The following CNTNAP2 variants were observed in gnomAD, a reference collection of about 807,000 sequenced individuals.
CNTNAP2 encodes the protein contactin-associated protein-like 2.
In CNTNAP2, 98 loss-of-function variants were observed where a neutral mutation model predicts 155.2. That is an observed-to-expected ratio of 0.63 (90% CI 0.54 to 0.75). The LOEUF is 0.75. Ranked by LOEUF, CNTNAP2 falls within the 30% of genes least tolerant of loss-of-function variation. The probability of loss-of-function intolerance (pLI) is 0.00; values close to 1 mark genes in which losing one functional copy is unlikely to be tolerated. For synonymous variants in CNTNAP2, 651 were observed against 631.2 expected, an observed-to-expected ratio of 1.03 and a Z score of -0.47; for missense variants, 1,727 against 1,688.1, an observed-to-expected ratio of 1.02 and a Z score of -0.40.
intron 21 of CNTNAP2, among the ~76,000 whole-genome samples, chr7:148,278,290 G>A (rs112435244): frequency 0.058 from 8,773 of 152,108 alleles, 400 homozygotes; most frequent in African/African-American, 0.12. Flanking sequence ...GAGTAGGCCC[G>A]GCTCGGTGGC....
chr7:146,394,812 T>C (rs980341266), intron 1 of CNTNAP2, among the ~76,000 whole-genome samples: 1 of 152,164 alleles, frequency 6.6e-6, no homozygotes, highest in Non-Finnish European at 1.5e-5. Flanking sequence ...TATTGCATAA[T>C]GGTGAAGTGT....
intron 13 of CNTNAP2, among the ~76,000 whole-genome samples, chr7:147,862,174 A>T (rs1799147728): frequency 1.3e-5 from 2 of 152,178 alleles, no homozygotes; most frequent in East Asian, 3.9e-4. Flanking sequence ...CCATCATCAA[A>T]AAAGATAATA....
At chr7:146,946,572 G>A (rs1234943883) in intron 3 of CNTNAP2, among the ~76,000 whole-genome samples, 3 of 152,080 alleles carry the variant, frequency 2.0e-5, no homozygotes, top group South Asian at 4.1e-4. Context: ...ATTTGAAATT[G>A]CAATAGATAA....
chr7:148,352,044 G>C lies in CNTNAP2; in HGVS notation c.3476-31605G>C, dbSNP rs141940743. On this transcript the variant is annotated intron_variant, in intron 21 of 23. Coordinates refer to ENST00000361727, the MANE Select transcript of CNTNAP2 (RefSeq NM_014141.6). Reference sequence around the variant, plus strand: ...GAGGCATAATATCCAGAATTTGTGCGTATCTTCTCCAAAGGAGATGGAATC... The same window carrying C: ...GAGGCATAATATCCAGAATTTGTGCCTATCTTCTCCAAAGGAGATGGAATC... Among the ~76,000 whole-genome samples the C allele has an allele frequency of 2.7e-3, 405 of 152,258 alleles. 1 individual carries two copies. Among genetic ancestry groups the C allele is most frequent in the African/African-American group, 9.2e-3 (381 of 41,554 alleles).
chr7:148,059,023 G>A (rs1160310214), intron 15 of CNTNAP2, among the ~76,000 whole-genome samples: 2 of 152,092 alleles, frequency 1.3e-5, no homozygotes, highest in Admixed American at 6.5e-5. Context: ...GCTCATGCCT[G>A]TAATCCCAGC....
chr7:146,271,183 A>G (rs1800076865), intron 1 of CNTNAP2, among the ~76,000 whole-genome samples: 1 of 152,078 alleles, frequency 6.6e-6, no homozygotes, highest in Admixed American at 6.6e-5. Context: ...GGATTTCTAA[A>G]AATCGTATTT....
At chr7:146,713,271 A>G (rs1801130337) in intron 1 of CNTNAP2, among the ~76,000 whole-genome samples, 1 of 152,170 alleles carries the variant, frequency 6.6e-6, no homozygotes, top group African/African-American at 2.4e-5. Flanking sequence ...GAGGGGAAGA[A>G]ATCTATATGG....
chr7:148,059,512 C>T (rs918887719), intron 15 of CNTNAP2, among the ~76,000 whole-genome samples: 2 of 149,980 alleles, frequency 1.3e-5, no homozygotes, highest in African/African-American at 2.5e-5. Flanking sequence ...CGCTTGAACC[C>T]GGGAGAGGGA....
intron 1 of CNTNAP2, among the ~76,000 whole-genome samples, chr7:146,301,010 A>G (rs1412397349): frequency 6.6e-6 from 1 of 152,202 alleles, no homozygotes. Context: ...CCTGAATTTT[A>G]CAAACATGCT....
intron 13 of CNTNAP2, among the ~76,000 whole-genome samples, chr7:147,662,857 AT>A (rs1795635783): frequency 6.6e-6 from 1 of 152,220 alleles, no homozygotes; most frequent in African/African-American, 2.4e-5. Context: ...GACAGACTAC[AT>A]TGATTTGAAT....
intron 13 of CNTNAP2, among the ~76,000 whole-genome samples, chr7:147,690,375 C>A (rs1031573200): frequency 1.3e-5 from 2 of 152,114 alleles, no homozygotes; most frequent in African/African-American, 4.8e-5. Context: ...TATTGCATTT[C>A]TGTGTAGCTT....
intron 9 of CNTNAP2, among the ~76,000 whole-genome samples, chr7:147,334,218 C>T (rs1326859851): frequency 1.3e-5 from 2 of 152,148 alleles, no homozygotes; most frequent in Admixed American, 6.6e-5. Flanking sequence ...CTATCTGCCT[C>T]CTCCTTCCTC....
At chr7:148,415,325 C>A in intron 23 of CNTNAP2, 92 bp from the exon 24 acceptor site, 4 of 1,270,568 alleles carry the variant, frequency 3.1e-6, no homozygotes, top group African/African-American at 1.5e-5. Flanking sequence ...TGGGAGAGGG[C>A]TGTGTCTGAC....
chr7:146,878,741 A>T (rs1795480443), intron 3 of CNTNAP2, among the ~76,000 whole-genome samples: 1 of 152,064 alleles, frequency 6.6e-6, no homozygotes, highest in Admixed American at 6.6e-5. Context: ...TTCTCAAAAA[A>T]GATGAGCTTT....
intron 13 of CNTNAP2, among the ~76,000 whole-genome samples, chr7:147,648,856 A>T (rs571076124): frequency 6.6e-6 from 1 of 152,162 alleles, no homozygotes; most frequent in African/African-American, 2.4e-5. Flanking sequence ...ATGTATATCT[A>T]TCCTATTAAA....
In CNTNAP2 at chr7:146,969,791, G is replaced by A. The variant is rs533508869; in HGVS notation, c.403-74116G>A. 1.1e-3 allele frequency among the ~76,000 whole-genome samples: 165 copies of A among 152,130 alleles called. 1 individual carries two copies. The highest frequency in any genetic ancestry group is 3.4e-3 in the African/African-American group (142 of 41,506). On this transcript the variant is annotated intron_variant, in intron 3 of 23. Transcript: ENST00000361727. ...AAAAGAACACAGCTGGAGGTATCAC[G>A]CTACCTGACTTCAAACTATACTACA...
At chr7:148,177,920 G>A (rs760455242) in intron 18 of CNTNAP2, among the ~76,000 whole-genome samples, 2 of 148,690 alleles carry the variant, frequency 1.3e-5, no homozygotes, top group African/African-American at 2.5e-5. Flanking sequence ...CTACATCTAG[G>A]TGTAAGGTTT....
chr7:148,087,895 T>A (rs755722268), intron 15 of CNTNAP2, among the ~76,000 whole-genome samples: 1 of 152,144 alleles, frequency 6.6e-6, no homozygotes, highest in South Asian at 2.1e-4. Context: ...CTCACAGTAA[T>A]TTTTTCCAAA....
At chr7:147,903,100 G>C (rs964062623) in intron 13 of CNTNAP2, among the ~76,000 whole-genome samples, 1 of 152,044 alleles carries the variant, frequency 6.6e-6, no homozygotes, top group Non-Finnish European at 1.5e-5. Context: ...CAGCAGTGTA[G>C]AAGTGTTCCC....
Sources: gnomAD v4.1 joint callset for allele counts (sites outside exome capture counted in the v4.1 genomes callset) on GRCh38, gnomAD v4.1.1 for gene constraint, MANE v1.5 for transcripts, NCBI Gene and HGNC (gene_info 2026-07-23, HGNC 2026-07-21) for gene names.